Variants in TTC23 observed in about 807,000 individuals in gnomAD.
TTC23 encodes the protein tetratricopeptide repeat protein 23.
TTC23 carries 58 observed loss-of-function variants against 55.1 expected under a neutral mutation model. The observed-to-expected ratio is 1.05, with a 90% CI of 0.85 to 1.31. The LOEUF is 1.31. Ranked by LOEUF, TTC23 falls within the 50% of genes most tolerant of loss-of-function variation. The probability of loss-of-function intolerance (pLI) is 0.00; values close to 1 mark genes in which losing one functional copy is unlikely to be tolerated. For missense variants in TTC23, 516 were observed against 534.4 expected, an observed-to-expected ratio of 0.97 and a Z score of 0.34; for synonymous variants, 203 against 199.9, an observed-to-expected ratio of 1.02 and a Z score of -0.13.
chr15:99,207,708 G>A (rs1429434706), intron 8 of TTC23, among the ~76,000 whole-genome samples: 1 of 152,222 alleles, frequency 6.6e-6, no homozygotes. Context: ...AGTGAGCTGA[G>A]ATCATGCCAC....
At chr15:99,212,598 C>T (rs1056533063) in intron 8 of TTC23, among the ~76,000 whole-genome samples, 4 of 152,070 alleles carry the variant, frequency 2.6e-5, no homozygotes, top group East Asian at 1.9e-4. Flanking sequence ...AGTCACCCCG[C>T]GGCACTTATC....
intron 6 of TTC23, among the ~76,000 whole-genome samples, chr15:99,219,326 G>A (rs1362396152): frequency 6.6e-6 from 1 of 152,088 alleles, no homozygotes; most frequent in Non-Finnish European, 1.5e-5. Context: ...AATAGCAGAA[G>A]CAAAATATGT....
rs116562450 is a variant in TTC23 at position 99,220,664 on chromosome 15, G to A, written c.304+1077C>T. Among the ~76,000 whole-genome samples the A allele has an allele frequency of 3.8e-3, 586 of 152,286 alleles. 5 individuals carry two copies. Among genetic ancestry groups the A allele is most frequent in the African/African-American group, 0.014 (563 of 41,550 alleles). On this transcript the variant is annotated intron_variant, in intron 6 of 13. Coordinates refer to ENST00000394132, the MANE Select transcript of TTC23 (RefSeq NM_001288615.3). The stretch of plus-strand genomic sequence containing the variant: ...TTTATTGGGTGGCAATAATGAATAC[G>A]CTTGGTATAGAATATGCTTGGCATT...
At chr15:99,203,006 C>T (rs1489763565) in intron 8 of TTC23, among the ~76,000 whole-genome samples, 2 of 152,264 alleles carry the variant, frequency 1.3e-5, no homozygotes, top group Non-Finnish European at 2.9e-5. Flanking sequence ...TCCCAACCTG[C>T]ACACCATATG....
At chr15:99,153,283 T>G (rs116407582) in intron 12 of TTC23, among the ~76,000 whole-genome samples, 2,731 of 152,356 alleles carry the variant, frequency 0.018, 84 homozygotes, top group African/African-American at 0.062. Flanking sequence ...AAGACAAGGT[T>G]CATATTTGTC....
intron 9 of TTC23, among the ~76,000 whole-genome samples, chr15:99,194,552 CAAAAAAAA>C (rs760038465): frequency 4.9e-5 from 2 of 40,456 alleles, no homozygotes; most frequent in Non-Finnish European, 5.0e-5. Context: ...ACATCACGTG[CAAAAAAAA>C]AAAAAAAAAA....
At chr15:99,191,639 G>A (rs1217058065) in intron 9 of TTC23, among the ~76,000 whole-genome samples, 5 of 152,164 alleles carry the variant, frequency 3.3e-5, no homozygotes, top group Admixed American at 6.5e-5. Flanking sequence ...CCCCAGCCAC[G>A]TGGAACTGTC....
rs1006550140 is a variant in TTC23 at position 99,235,060 on chromosome 15, C to G, written c.-93G>C. The G allele has an allele frequency of 1.3e-5, 2 of 152,420 alleles. No individual in the cohort carries two copies. The highest frequency in any genetic ancestry group is 4.8e-5 in the African/African-American group (2 of 41,364). The allele number at this position is 152,420 out of a possible 1,614,324, so 9.4% of individuals were successfully genotyped here. ...CTCAGGAGTTTGGGACCAGCCTGGG[C>G]AACATGGCAAAACTCTGTCTCTACA... On this transcript the variant is annotated 5_prime_UTR_variant, in exon 4 of 14. Transcript: ENST00000394132.
In TTC23 at chr15:99,222,293, G is replaced by C. The variant is rs762909814; in HGVS notation, c.181-429C>G. ...TGTATGTGTGTGTGTGTATGAGACA[G>C]GGTCTCACTCACCTGGAGTCACCCA... On this transcript the variant is annotated intron_variant, in intron 5 of 13. Transcript: ENST00000394132. Among the ~76,000 whole-genome samples the C allele has an allele frequency of 5.3e-5, 8 of 152,046 alleles. 1 individual carries two copies. The highest frequency in any genetic ancestry group is 3.3e-4 in the Admixed American group (5 of 15,268).
rs1555486936 is a variant in TTC23 at position 99,136,542 on chromosome 15, G to A, written c.*1468C>T. The A allele has an allele frequency of 6.6e-6, 1 of 152,160 alleles. No individual in the cohort carries two copies. Among genetic ancestry groups the A allele is most frequent in the African/African-American group, 2.4e-5 (1 of 41,424 alleles). The allele number at this position is 152,160 out of a possible 1,614,324, so 9.4% of individuals were successfully genotyped here. On this transcript the variant is annotated 3_prime_UTR_variant, in exon 14 of 14. Transcript: ENST00000394132. ...CTTCTCACTGTGTCCTCACATGGTGGAGAGAGAGATCATCTCTCTGGTGTC... is the reference window on the plus strand; with the variant it reads ...CTTCTCACTGTGTCCTCACATGGTGAAGAGAGAGATCATCTCTCTGGTGTC...
intron 9 of TTC23, among the ~76,000 whole-genome samples, chr15:99,187,451 G>GAAAAAAAAAAAAAAAAAAAAAAAAAA (rs2074779029): frequency 9.6e-5 from 1 of 10,456 alleles, no homozygotes; most frequent in African/African-American, 6.4e-4. Flanking sequence ...AAAAGCACAA[G>GAAAAAAAAAAAAAAAAAAAAAAAAAA]CAAAAAAAAA....
At chr15:99,149,640 G>T (rs1239643706) in intron 12 of TTC23, among the ~76,000 whole-genome samples, 1 of 152,206 alleles carries the variant, frequency 6.6e-6, no homozygotes, top group Non-Finnish European at 1.5e-5. Flanking sequence ...TGAGCCACTG[G>T]CATAGAGTAA....
At position 99,200,021 on chromosome 15, in the gene TTC23, A is replaced by G. The variant is rs574469137; in HGVS notation, c.657T>C (p.Ser219=). ...CACACTCACGACTTGTTTCACCTTT[A>G]CTGATCTCAACATATTCCAAAGCTG... ...YQAALEYVEI[S]KGETSRECVP... Residue 219 remains serine, a synonymous_variant, in exon 9 of 14, where the codon AGT becomes AGC. Transcript: ENST00000394132. The G allele has an allele frequency of 1.2e-6, 2 of 1,614,084 alleles. No homozygotes were observed. Among genetic ancestry groups the G allele is most frequent in the African/African-American group, 2.7e-5 (2 of 75,026 alleles).
chr15:99,146,075 C>T (rs1328235758), intron 12 of TTC23, among the ~76,000 whole-genome samples: 3 of 152,220 alleles, frequency 2.0e-5, no homozygotes, highest in East Asian at 1.9e-4. Context: ...GACTCCCCCA[C>T]GACTTTGTTC....
chr15:99,249,910 G>A (rs2080579401), upstream of TTC23: 1 of 152,126 alleles, frequency 6.6e-6, no homozygotes, highest in Non-Finnish European at 1.5e-5. Flanking sequence ...TTGTGTCAAT[G>A]TGGGGAGGAG....
intron 2 of TTC23, 50 bp downstream of exon 2, chr15:99,245,339 C>T (rs1438198711): frequency 6.6e-6 from 1 of 152,064 alleles, no homozygotes; most frequent in Admixed American, 6.6e-5. Context: ...TGGCAAAACG[C>T]TGTCTCTACT....
rs1029479244 is a variant in TTC23 at position 99,196,138 on chromosome 15, C to T, written c.759+3781G>A. ...CTGCACTCCAGCCTGGGCGACACAG[C>T]GAGACTCTGTCTCAAAAAAAAAAAA... On this transcript the variant is annotated intron_variant, in intron 9 of 13. Coordinates refer to ENST00000394132, the MANE Select transcript of TTC23 (RefSeq NM_001288615.3). Among the ~76,000 whole-genome samples, 6 of 142,548 alleles carry T rather than the reference C, an allele frequency of 4.2e-5. 1 individual carries two copies. Among genetic ancestry groups the T allele is most frequent in the Non-Finnish European group, 7.5e-5 (5 of 66,488 alleles). The allele number at this position is 142,548 out of a possible 152,430, so 93.5% of individuals were successfully genotyped here.
intron 8 of TTC23, among the ~76,000 whole-genome samples, chr15:99,203,703 TC>T (rs2076380837): frequency 2.0e-5 from 3 of 151,930 alleles, no homozygotes; most frequent in Admixed American, 6.6e-5. Flanking sequence ...TTTTTTTCTT[TC>T]TTTTTTTTTT....
At chr15:99,166,110 G>A (rs950029345) in intron 10 of TTC23, among the ~76,000 whole-genome samples, 1 of 152,196 alleles carries the variant, frequency 6.6e-6, no homozygotes, top group Non-Finnish European at 1.5e-5. Flanking sequence ...TCCGGGCTTT[G>A]GCTGAAGCAG....
Sources: allele counts gnomAD v4.1 joint callset (sites outside exome capture counted in the v4.1 genomes callset), GRCh38; gene constraint gnomAD v4.1.1; transcripts MANE v1.5; gene names NCBI Gene and HGNC (gene_info 2026-07-23, HGNC 2026-07-21).